The following PREPL variants were observed in gnomAD, a reference collection of about 807,000 sequenced individuals.
PREPL encodes the protein prolyl endopeptidase like.
Under a neutral mutation model 70.6 loss-of-function variants are expected in PREPL, and 77 were observed. The observed-to-expected ratio is 1.09, with a 90% CI of 0.91 to 1.32. PREPL has a LOEUF of 1.32. Ranked by LOEUF, PREPL falls within the 40% of genes most tolerant of loss-of-function variation. PREPL has a pLI of 0.00. For synonymous variants in PREPL, 315 were observed against 264.8 expected, an observed-to-expected ratio of 1.19 and a Z score of -1.84; for missense variants, 1,002 against 778.2, an observed-to-expected ratio of 1.29 and a Z score of -3.42.
At chr2:44,361,236 A>T (rs1472712629) in intron 1 of PREPL, 144 bp downstream of exon 1, 3 of 152,118 alleles carry the variant, frequency 2.0e-5, no homozygotes, top group Non-Finnish European at 4.4e-5. Context: ...GGCGATCTGA[A>T]TGCAACAGGG....
Position 44,339,762 on chromosome 2 carries a change from CAT to C in PREPL, c.486-401_486-400del, listed in dbSNP as rs370008631. ...ATTTCTCAATCACATGAGTAGATAACATAGCTTTTTGCTGAGAAGAGGAAATA... is the reference window on the plus strand; with the variant it reads ...ATTTCTCAATCACATGAGTAGATAACAGCTTTTTGCTGAGAAGAGGAAATA... On this transcript the variant is annotated intron_variant, in intron 5 of 13. Transcript: ENST00000409411. Among the ~76,000 whole-genome samples the C allele has an allele frequency of 4.4e-3, 664 of 152,228 alleles. 2 individuals are homozygous for C. The highest frequency in any genetic ancestry group is 0.015 in the African/African-American group (644 of 41,560).
rs1200647382 is a variant in PREPL at position 44,321,459 on chromosome 2, A to G, written c.1828-14T>C. On this transcript the variant is annotated splice_polypyrimidine_tract_variant and intron_variant, in intron 13 of 13. Transcript: ENST00000409411. ...TTGGGCTGTAATCTAAAAGAAACAC[A>G]TTAAAAAAATTAAATAGAAGGCCTT... 4 of 1,605,008 alleles carry G rather than the reference A, an allele frequency of 2.5e-6. No homozygotes were observed. Among genetic ancestry groups the G allele is most frequent in the Non-Finnish European group, 3.4e-6 (4 of 1,173,082 alleles).
chr2:44,332,910 A>G (rs1411212357), intron 7 of PREPL, among the ~76,000 whole-genome samples: 4 of 152,216 alleles, frequency 2.6e-5, no homozygotes, highest in Non-Finnish European at 5.9e-5. Context: ...TTTACATGAA[A>G]TTGCCTTTAA....
rs766179607 is a variant in PREPL at position 44,320,529 on chromosome 2, C to A, written c.*827G>T. ...CAAGGGAGAGGGACTCATCTTTGAACACAACACGAAGAATCTCCTTCATCG... is the reference window on the plus strand; with the variant it reads ...CAAGGGAGAGGGACTCATCTTTGAAAACAACACGAAGAATCTCCTTCATCG... On this transcript the variant is annotated 3_prime_UTR_variant, in exon 14 of 14. Coordinates refer to ENST00000409411, the MANE Select transcript of PREPL (RefSeq NM_001171613.2). 8.1e-6 allele frequency: 13 copies of A among 1,613,960 alleles called. No individual in the cohort carries two copies. Among genetic ancestry groups the A allele is most frequent in the Non-Finnish European group, 1.0e-5 (12 of 1,179,934 alleles).
rs879270603 is a variant in PREPL, at chr2:44,357,043, C to T, written c.-49+4337G>A. On this transcript the variant is annotated intron_variant, in intron 1 of 13. Coordinates refer to ENST00000409411, the MANE Select transcript of PREPL (RefSeq NM_001171613.2). ...CTGGTCTCGAATTCCTGAGCTCGGA[C>T]AATCTGCTCGCCTTGGCCTCCCAAT... is the stretch of plus-strand genomic sequence containing the variant. Among the ~76,000 whole-genome samples, 6 of 152,186 alleles carry T rather than the reference C, an allele frequency of 3.9e-5. No homozygotes were observed. The South Asian group carries it at 6.2e-4, about 16-fold the overall frequency.
chr2:44,356,636 G>A (rs547434506), intron 1 of PREPL, among the ~76,000 whole-genome samples: 4 of 152,262 alleles, frequency 2.6e-5, no homozygotes, highest in Admixed American at 2.0e-4. Flanking sequence ...CCAGGAATCC[G>A]CATTTCTAAA....
intron 4 of PREPL, 24 bp from the exon 5 acceptor site, chr2:44,342,576 TATAC>T (rs1675346665): frequency 6.6e-7 from 1 of 1,521,672 alleles, no homozygotes; most frequent in Non-Finnish European, 8.9e-7. Flanking sequence ...ATGAGATAAT[TATAC>T]ATAATCACCT....
At chr2:44,360,047 A>T in intron 1 of PREPL, 1 of 205,502 alleles carries the variant, frequency 4.9e-6, no homozygotes. Flanking sequence ...AACTAAAACA[A>T]AAAACAAAAC....
chr2:44,330,806 A>G (rs1364817457), intron 8 of PREPL, among the ~76,000 whole-genome samples: 2 of 152,178 alleles, frequency 1.3e-5, no homozygotes, highest in East Asian at 3.8e-4. Flanking sequence ...CTACTTGCAT[A>G]AATTTGTATA....
rs770325847 is a variant in PREPL, at chr2:44,332,572, G to GA, written c.972dup (p.Pro325SerfsTer16). ...AACTTGTATGTGTAATATTTTGGGG[G>GA]ACGTATTGGAGAGCAAAGTTGAAAG... On this transcript the variant is annotated frameshift_variant, in exon 8 of 14. Coordinates refer to ENST00000409411, the MANE Select transcript of PREPL (RefSeq NM_001171613.2). LOFTEE classifies it high-confidence loss of function. The GA allele has an allele frequency of 6.2e-7, 1 of 1,613,724 alleles. No homozygotes were observed. The highest frequency in any genetic ancestry group is 1.7e-5 in the Admixed American group (1 of 60,016).
At chr2:44,324,124 C>T (rs542992541) in intron 10 of PREPL, among the ~76,000 whole-genome samples, 5 of 152,276 alleles carry the variant, frequency 3.3e-5, no homozygotes, top group East Asian at 1.9e-4. Flanking sequence ...TTCTGATCCA[C>T]GCTACAATAT....
rs1184430874 is a variant in PREPL, at chr2:44,318,957, T to G, written c.*2399A>C. ...GCAATTACAGAAAAAGACTTCAACA[T>G]ACTTTTAGAAAGTAGTAACTCAAGT... is the stretch of plus-strand genomic sequence containing the variant. On this transcript the variant is annotated 3_prime_UTR_variant, in exon 14 of 14. Coordinates refer to ENST00000409411, the MANE Select transcript of PREPL (RefSeq NM_001171613.2). The G allele has an allele frequency of 6.6e-6, 1 of 152,216 alleles. No individual in the cohort carries two copies. The highest frequency in any genetic ancestry group is 1.5e-5 in the Non-Finnish European group (1 of 68,020). 9.4% of individuals were successfully genotyped at this position (152,216 alleles called of 1,614,324 possible).
chr2:44,320,051 C>T lies in PREPL; in HGVS notation c.*1305G>A, dbSNP rs1187862734. ...CAGTTTTTATATAAATTGTTCTTAC[C>T]TACTTATTGATGCTTACAATTTGGC... On this transcript the variant is annotated 3_prime_UTR_variant, in exon 14 of 14. Coordinates refer to ENST00000409411, the MANE Select transcript of PREPL (RefSeq NM_001171613.2). 5 of 645,514 alleles carry T rather than the reference C, an allele frequency of 7.7e-6. No individual in the cohort carries two copies. The highest frequency in any genetic ancestry group is 1.3e-5 in the Non-Finnish European group (5 of 375,794). The allele number at this position is 645,514 out of a possible 1,614,324, so 40.0% of individuals were successfully genotyped here.
chr2:44,328,184 G>T (rs534387393), intron 9 of PREPL, among the ~76,000 whole-genome samples: 62 of 151,212 alleles, frequency 4.1e-4, no homozygotes, highest in Non-Finnish European at 8.3e-4. Context: ...TACTCAGGAG[G>T]CTGAGGCAGG....
At chr2:44,322,988 G>T in intron 11 of PREPL, 134 bp from the exon 12 acceptor site, 1 of 1,232,076 alleles carries the variant, frequency 8.1e-7, no homozygotes, top group Non-Finnish European at 1.1e-6. Context: ...GCTATCTTGA[G>T]AGCGCCTCAG....
In PREPL at chr2:44,342,498, T is replaced by G. The variant is rs1358654485; in HGVS notation, c.404A>C (p.Asn135Thr). 1.3e-5 allele frequency: 21 copies of G among 1,612,576 alleles called. No homozygotes were observed. The highest frequency in any genetic ancestry group is 1.6e-5 in the Non-Finnish European group (19 of 1,179,090). ...TCGATATACGTCATGACAGCGAAGG[T>G]TCCTCTGGAAGGTGTAGAATAAAAC... ...EDVLFYTFQR[N>T]LRCHDVYRAT... The change falls in exon 5 of 14, where the codon AAC (asparagine) becomes ACC (threonine). Residue 135 changes from asparagine (N) to threonine (T), a missense_variant. Physicochemically the swap from Asn to Thr is moderately conservative, Grantham distance 65 (BLOSUM62 0). Coordinates refer to ENST00000409411, the MANE Select transcript of PREPL (RefSeq NM_001171613.2).
chr2:44,332,076 A>G (rs1674163761), intron 8 of PREPL, among the ~76,000 whole-genome samples: 1 of 150,936 alleles, frequency 6.6e-6, no homozygotes. Flanking sequence ...CCTCCCAAGT[A>G]GCTGGGACTA....
rs371136651 is a variant in PREPL, at chr2:44,320,594, A to G, written c.*762T>C. The G allele has an allele frequency of 1.2e-6, 2 of 1,614,032 alleles. No individual in the cohort carries two copies. Among genetic ancestry groups the G allele is most frequent in the African/African-American group, 1.3e-5 (1 of 75,034 alleles). On this transcript the variant is annotated 3_prime_UTR_variant, in exon 14 of 14. Transcript: ENST00000409411. The stretch of plus-strand genomic sequence containing the variant: ...GAGATAGATGCTTTGTTTCCAATCG[A>G]GCATGCTATTCCAGTGTACTGAACA...
chr2:44,354,028 A>C (rs554514537), intron 1 of PREPL, among the ~76,000 whole-genome samples: 1 of 152,246 alleles, frequency 6.6e-6, no homozygotes, highest in African/African-American at 2.4e-5. Context: ...TTAGCTGGGC[A>C]TAGTTGTGGG....
Sources: gnomAD v4.1 joint callset for allele counts (sites outside exome capture counted in the v4.1 genomes callset) on GRCh38, gnomAD v4.1.1 for gene constraint, MANE v1.5 for transcripts, NCBI Gene and HGNC (gene_info 2026-07-23, HGNC 2026-07-21) for gene names.